Variants in TPX2 observed in about 807,000 individuals in gnomAD.
The protein encoded by TPX2 is targeting protein for Xklp2.
In TPX2, 21 loss-of-function variants were observed where a neutral mutation model predicts 93.6. That is an observed-to-expected ratio of 0.22 (90% CI 0.16 to 0.32). The LOEUF (loss-of-function observed/expected upper bound fraction) is 0.32. Ranked by LOEUF, TPX2 falls within the 10% of genes least tolerant of loss-of-function variation. The pLI is 1.00. For synonymous variants in TPX2, 281 were observed against 298.3 expected (o/e 0.94, Z 0.60); for missense variants, 776 against 871.1 (o/e 0.89, Z 1.37).
intron 5 of TPX2, among the ~76,000 whole-genome samples, chr20:31,768,229 C>T (rs1463392627): frequency 1.3e-5 from 2 of 150,082 alleles, no homozygotes; most frequent in Non-Finnish European, 3.0e-5. Context: ...CCACCATGCC[C>T]GACACATGCC....
chr20:31,769,802 GATTT>G lies in TPX2; in HGVS notation c.357-532_357-529del, dbSNP rs547907780. On this transcript the variant is annotated intron_variant, in intron 5 of 17. Coordinates refer to ENST00000300403, the MANE Select transcript of TPX2 (RefSeq NM_012112.5). The stretch of plus-strand genomic sequence containing the variant: ...CTCTTTGTTTTGTATTCATCTTATT[GATTT>G]ATTTATTTTTAGACAGAGTCTTACT... 3.5e-3 allele frequency among the ~76,000 whole-genome samples: 532 copies of G among 151,916 alleles called. 2 individuals are homozygous for G. The highest frequency in any genetic ancestry group is 0.012 in the African/African-American group (506 of 41,418).
Position 31,766,631 on chromosome 20 carries a change from C to G in TPX2, c.305C>G (p.Ser102Cys). ...TCCATTCCGTCAAATGCTTGTTCTT[C>G]CCTGGAAGTTGAGGCAGCCATATCA... ...EQSIPSNACS[S>C]LEVEAAISRK... Residue 102 changes from serine to cysteine, a missense_variant, in exon 5 of 18, where the codon TCC (serine) becomes TGC (cysteine). By Grantham distance (112) the Ser-to-Cys change is moderately radical (BLOSUM62 -1). Coordinates refer to ENST00000300403, the MANE Select transcript of TPX2 (RefSeq NM_012112.5). 6.2e-7 allele frequency: 1 copy of G among 1,613,794 alleles called. No homozygotes were observed. Among genetic ancestry groups the G allele is most frequent in the African/African-American group, 1.3e-5 (1 of 74,956 alleles).
chr20:31,787,991 G>A lies in TPX2; in HGVS notation c.1413+4070G>A, dbSNP rs183113515. ...TACCTTTTTCATCTTTGAATGGGAG[G>A]CAGGTTTGCATGTTGAAGTTCCTAG... On this transcript the variant is annotated intron_variant, in intron 12 of 17. Transcript: ENST00000300403. 2.9e-3 allele frequency among the ~76,000 whole-genome samples: 449 copies of A among 152,248 alleles called. 5 individuals are homozygous for A. Among genetic ancestry groups the A allele is most frequent in the African/African-American group, 0.01 (430 of 41,552 alleles).
chr20:31,791,444 C>T (rs1017702161), intron 12 of TPX2, among the ~76,000 whole-genome samples: 4 of 152,056 alleles, frequency 2.6e-5, no homozygotes, highest in Admixed American at 2.0e-4. Flanking sequence ...CCACCATGCC[C>T]GGCTAATTTT....
At chr20:31,788,000 C>G (rs2062077466) in intron 12 of TPX2, among the ~76,000 whole-genome samples, 1 of 152,140 alleles carries the variant, frequency 6.6e-6, no homozygotes, top group South Asian at 2.1e-4. Flanking sequence ...GGCAGGTTTG[C>G]ATGTTGAAGT....
chr20:31,776,112 C>T (rs555642796), intron 8 of TPX2, 124 bp downstream of exon 8: 12 of 961,826 alleles, frequency 1.2e-5, no homozygotes, highest in Middle Eastern at 9.5e-4. Context: ...CTCGCTCTGT[C>T]GCCCAGGCCG....
intron 9 of TPX2, 87 bp downstream of exon 9, chr20:31,777,725 G>A (rs2062010205): frequency 3.0e-6 from 4 of 1,328,252 alleles, no homozygotes; most frequent in Non-Finnish European, 2.0e-6. Flanking sequence ...GTTTATAATA[G>A]TATAATTGAG....
At chr20:31,795,594 C>T (rs1379014448) in intron 15 of TPX2, among the ~76,000 whole-genome samples, 4 of 152,232 alleles carry the variant, frequency 2.6e-5, no homozygotes, top group East Asian at 1.9e-4. Context: ...ATGTGGGAAC[C>T]GACAGGCTTT....
At chr20:31,792,949 T>C (rs2062112052) in intron 13 of TPX2, 119 bp downstream of exon 13, 1 of 848,042 alleles carries the variant, frequency 1.2e-6, no homozygotes. Context: ...GACTTGTCTT[T>C]AAGAATGGGT....
intron 11 of TPX2, 96 bp downstream of exon 11, chr20:31,782,486 TAA>T (rs1418307694): frequency 1.3e-6 from 2 of 1,483,116 alleles, no homozygotes; most frequent in Non-Finnish European, 1.8e-6. Context: ...TTTCTTTCCG[TAA>T]AAATTTATGG....
At chr20:31,745,148 T>C (rs1041994220) in intron 2 of TPX2, among the ~76,000 whole-genome samples, 1 of 152,172 alleles carries the variant, frequency 6.6e-6, no homozygotes, top group Non-Finnish European at 1.5e-5. Flanking sequence ...CAAATTGCCT[T>C]GTAGGAAGAT....
In TPX2 at chr20:31,755,760, C is replaced by CA. The variant is rs559251251; in HGVS notation, c.-70-1633dup. 5.5e-3 allele frequency among the ~76,000 whole-genome samples: 630 copies of CA among 113,810 alleles called. 5 individuals carry two copies. Among genetic ancestry groups the CA allele is most frequent in the South Asian group, 0.013 (49 of 3,718 alleles). 74.7% of individuals were successfully genotyped at this position (113,810 alleles called of 152,430 possible). ...TGGGGGACAGAGTGAGACTCCGTCT[C>CA]AAAAAAAAAAAAAAGACAAATGGCT... On this transcript the variant is annotated intron_variant, in intron 2 of 17. Transcript: ENST00000300403.
At chr20:31,784,631 GT>G (rs1475295306) in intron 12 of TPX2, among the ~76,000 whole-genome samples, 2 of 152,182 alleles carry the variant, frequency 1.3e-5, no homozygotes, top group Admixed American at 1.3e-4. Flanking sequence ...AAGCCTGACG[GT>G]GGGAAACAAG....
chr20:31,748,231 A>T (rs1159224862), intron 2 of TPX2, among the ~76,000 whole-genome samples: 1 of 152,180 alleles, frequency 6.6e-6, no homozygotes. Flanking sequence ...CTAAAGATTA[A>T]GTGTACTTAG....
chr20:31,767,935 CTT>C (rs60084722), intron 5 of TPX2, among the ~76,000 whole-genome samples: 82 of 139,704 alleles, frequency 5.9e-4, no homozygotes, highest in Non-Finnish European at 4.4e-4. Context: ...AAAATTTCAT[CTT>C]TTTTTTTTTT....
chr20:31,791,288 AT>A (rs1054677130), intron 12 of TPX2, among the ~76,000 whole-genome samples: 1 of 151,586 alleles, frequency 6.6e-6, no homozygotes, highest in African/African-American at 2.4e-5. Context: ...TAAAGAATTA[AT>A]TTTTTTTTCT....
intron 1 of TPX2, among the ~76,000 whole-genome samples, chr20:31,741,635 C>T (rs1285172730): frequency 6.6e-6 from 1 of 152,120 alleles, no homozygotes; most frequent in African/African-American, 2.4e-5. Context: ...CATGCCACCA[C>T]ACCCGGCTAG....
chr20:31,794,046 A>C, intron 14 of TPX2, 22 bp downstream of exon 14: 1 of 1,598,614 alleles, frequency 6.3e-7, no homozygotes, highest in African/African-American at 1.4e-5. Flanking sequence ...CATTTCTGCA[A>C]GTAGTGTAAT....
chr20:31,760,238 G>GC, intron 4 of TPX2, 59 bp downstream of exon 4: 1 of 1,594,940 alleles, frequency 6.3e-7, no homozygotes, highest in Non-Finnish European at 8.5e-7. Context: ...TGTTTTAGAA[G>GC]CCTGAGGTTC....
Sources: allele counts gnomAD v4.1 joint callset (sites outside exome capture counted in the v4.1 genomes callset), GRCh38; gene constraint gnomAD v4.1.1; transcripts MANE v1.5; gene names NCBI Gene and HGNC (gene_info 2026-07-23, HGNC 2026-07-21).